Variants in ADGRG1 observed in about 807,000 individuals in gnomAD.
ADGRG1 encodes the protein adhesion G protein-coupled receptor G1, also known as 7-transmembrane protein with no EGF-like N-terminal domains-1.
In ADGRG1, 53 loss-of-function variants were observed where a neutral mutation model predicts 73.5. That is an observed-to-expected ratio of 0.72 (90% CI 0.58 to 0.91). The LOEUF is 0.91. ADGRG1 is among the 40% of genes least tolerant of loss of function. The pLI is 0.00. For missense variants in ADGRG1, 795 were observed against 871.8 expected, an observed-to-expected ratio of 0.91 and a Z score of 1.11; for synonymous variants, 394 against 374.4, an observed-to-expected ratio of 1.05 and a Z score of -0.60.
chr16:57,635,954 C>T (rs1336304274), intron 1 of ADGRG1: 3 of 985,292 alleles, frequency 3.0e-6, no homozygotes, highest in Non-Finnish European at 3.6e-6. Context: ...ACGTGGCTCC[C>T]TGCCCTGCCC....
At chr16:57,660,658 A>G in intron 11 of ADGRG1, 110 bp from the exon 12 acceptor site, 1 of 1,519,114 alleles carries the variant, frequency 6.6e-7, no homozygotes, top group Non-Finnish European at 8.9e-7. Context: ...GGTGGGCTTC[A>G]GGAGCCCAAA....
upstream of ADGRG1, chr16:57,628,603 C>G (rs183884519): frequency 2.8e-5 from 28 of 985,552 alleles, no homozygotes; most frequent in African/African-American, 4.7e-4. Flanking sequence ...TGTCTCCCCA[C>G]CAAACAAACC....
upstream of ADGRG1, chr16:57,623,826 T>C (rs1365908259): frequency 3.0e-6 from 3 of 985,218 alleles, no homozygotes; most frequent in African/African-American, 5.2e-5. Context: ...CAGGAGGCTT[T>C]CCCACAGGAG....
At chr16:57,642,340 A>G in intron 1 of ADGRG1, 9 of 985,304 alleles carry the variant, frequency 9.1e-6, no homozygotes, top group Non-Finnish European at 1.1e-5. Flanking sequence ...GATGATGATG[A>G]GTGGCCCTGG....
chr16:57,662,999 T>A, intron 13 of ADGRG1: 1 of 985,068 alleles, frequency 1.0e-6, no homozygotes, highest in Non-Finnish European at 1.2e-6. Context: ...GCCTGTGAGA[T>A]GAGGGGACTC....
At chr16:57,660,648 G>C in intron 11 of ADGRG1, 120 bp from the exon 12 acceptor site, 1 of 1,524,164 alleles carries the variant, frequency 6.6e-7, no homozygotes, top group Non-Finnish European at 8.9e-7. Flanking sequence ...GATGGGGCTG[G>C]GTGGGCTTCA....
chr16:57,632,394 C>A, intron 1 of ADGRG1: 1 of 844,154 alleles, frequency 1.2e-6, no homozygotes, highest in Non-Finnish European at 1.4e-6. Flanking sequence ...AACTGTGGAT[C>A]ACAATCACAT....
At chr16:57,632,998 C>T (rs2038403255) in intron 1 of ADGRG1, 1 of 960,310 alleles carries the variant, frequency 1.0e-6, no homozygotes, top group Non-Finnish European at 1.2e-6. Flanking sequence ...CCTCCCAGGC[C>T]CTTTCCCCTC....
At chr16:57,640,465 C>T (rs1467876375) in intron 1 of ADGRG1, among the ~76,000 whole-genome samples, 10 of 152,326 alleles carry the variant, frequency 6.6e-5, no homozygotes, top group Admixed American at 3.9e-4. Context: ...AGCTTAAATG[C>T]GTGAACATGT....
chr16:57,657,557 C>A (rs1402573564), intron 10 of ADGRG1, 66 bp downstream of exon 10: 1 of 1,199,596 alleles, frequency 8.3e-7, no homozygotes, highest in Non-Finnish European at 1.2e-6. Context: ...ACCAGGGCGC[C>A]GCACACATCT....
chr16:57,629,000 G>T, intron 1 of ADGRG1, 198 bp downstream of exon 1: 2 of 486,888 alleles, frequency 4.1e-6, no homozygotes, highest in Non-Finnish European at 5.2e-6. Context: ...ATGTGAGTGT[G>T]AGTGTGAGAG....
intron 1 of ADGRG1, among the ~76,000 whole-genome samples, chr16:57,629,695 A>C (rs1310890428): frequency 6.6e-6 from 1 of 152,164 alleles, no homozygotes; most frequent in Non-Finnish European, 1.5e-5. Context: ...GGTGACAGGC[A>C]GACGGGGAAG....
upstream of ADGRG1, among the ~76,000 whole-genome samples, chr16:57,623,365 T>A (rs575526039): frequency 1.8e-4 from 27 of 152,302 alleles, no homozygotes; most frequent in African/African-American, 6.5e-4. Flanking sequence ...AGGTTAAACA[T>A]GGGCAGGGCA....
At chr16:57,642,035 G>C (rs1283876657) in intron 1 of ADGRG1, 1 of 963,530 alleles carries the variant, frequency 1.0e-6, no homozygotes, top group Non-Finnish European at 1.2e-6. Flanking sequence ...CTACAGGCAA[G>C]CACTACTACC....
upstream of ADGRG1, chr16:57,619,806 G>C (rs1462066898): frequency 6.6e-6 from 1 of 152,428 alleles, no homozygotes; most frequent in Non-Finnish European, 1.5e-5. Context: ...CTGAGACCCA[G>C]AGAACCCAAG....
chr16:57,630,950 G>A, intron 1 of ADGRG1: 1 of 985,492 alleles, frequency 1.0e-6, no homozygotes, highest in Non-Finnish European at 1.2e-6. Context: ...AGCCAGGCCA[G>A]CAGGTCTCAA....
intron 1 of ADGRG1, chr16:57,641,252 C>T: frequency 1.0e-6 from 1 of 971,052 alleles, no homozygotes; most frequent in Non-Finnish European, 1.2e-6. Flanking sequence ...GAACCTTATG[C>T]CCCTAACTCC....
intron 1 of ADGRG1, among the ~76,000 whole-genome samples, chr16:57,649,751 A>C (rs1182504000): frequency 6.6e-6 from 1 of 150,744 alleles, no homozygotes; most frequent in Non-Finnish European, 1.5e-5. Context: ...TGAGACTGGA[A>C]CTCAGCTGGA....
At chr16:57,623,438 T>A (rs2035251981), upstream of ADGRG1, among the ~76,000 whole-genome samples, 1 of 152,222 alleles carries the variant, frequency 6.6e-6, no homozygotes, top group Non-Finnish European at 1.5e-5. Flanking sequence ...GAGCTCCAAA[T>A]AAGGTATCAG....
Sources: gnomAD v4.1 joint callset for allele counts (sites outside exome capture counted in the v4.1 genomes callset) on GRCh38, gnomAD v4.1.1 for gene constraint, MANE v1.5 for transcripts, NCBI Gene and HGNC (gene_info 2026-07-23, HGNC 2026-07-21) for gene names.